SYT16: variants seen among roughly 807,000 people sequenced by gnomAD.
SYT16 encodes the protein synaptotagmin-16.
A neutral mutation model predicts 61.4 loss-of-function variants in SYT16; 42 were observed. That is an observed-to-expected ratio of 0.68 (90% confidence interval 0.53 to 0.89). SYT16 has a LOEUF of 0.89. Ranked by LOEUF, SYT16 falls within the 40% of genes least tolerant of loss-of-function variation. SYT16 has a pLI of 0.00. For synonymous variants in SYT16, 314 were observed against 302.3 expected (o/e 1.04, Z -0.40); for missense variants, 804 against 807.3 (o/e 1.00, Z 0.05).
At chr14:62,031,475 A>G (rs1313567192) in intron 3 of SYT16, among the ~76,000 whole-genome samples, 2 of 152,182 alleles carry the variant, frequency 1.3e-5, no homozygotes, top group East Asian at 3.8e-4. Flanking sequence ...AGGTAGTTGA[A>G]CTTTCGGGCA....
chr14:61,869,080 G>A (rs561891766), intron 1 of SYT16, among the ~76,000 whole-genome samples: 1 of 152,092 alleles, frequency 6.6e-6, no homozygotes, highest in South Asian at 2.1e-4. Context: ...TTTAACCTTA[G>A]TATAGCCACT....
At chr14:61,888,679 G>A (rs2048005803) in intron 1 of SYT16, among the ~76,000 whole-genome samples, 1 of 151,598 alleles carries the variant, frequency 6.6e-6, no homozygotes, top group Non-Finnish European at 1.5e-5. Flanking sequence ...TTACAAAAAT[G>A]TGACAGAGAC....
At chr14:61,855,944 A>T (rs953893926) in intron 1 of SYT16, among the ~76,000 whole-genome samples, 2 of 152,258 alleles carry the variant, frequency 1.3e-5, no homozygotes, top group Non-Finnish European at 2.9e-5. Context: ...TAAAATTAAC[A>T]TGTGAATTTT....
intron 1 of SYT16, among the ~76,000 whole-genome samples, chr14:61,817,419 CAAAA>C (rs58438991): frequency 6.1e-5 from 5 of 82,566 alleles, no homozygotes; most frequent in Non-Finnish European, 7.9e-5. Flanking sequence ...ACTCCATCTC[CAAAA>C]AAAAAAAAAA....
chr14:61,827,342 G>A (rs2045804442), intron 1 of SYT16, among the ~76,000 whole-genome samples: 1 of 152,152 alleles, frequency 6.6e-6, no homozygotes, highest in Non-Finnish European at 1.5e-5. Flanking sequence ...CCCTGTGTAG[G>A]TGCCTTGCAG....
At position 61,824,942 on chromosome 14, in the gene SYT16, T is replaced by C. The variant is rs551905942; in HGVS notation, c.-325+12132T>C. On this transcript the variant is annotated intron_variant, in intron 1 of 7. Transcript: ENST00000683842. ...TCGAACTTGTGCTTGTATATGCTTC[T>C]GTTTTAAAAATGTCTCATCTTTAAT... 3.7e-4 allele frequency among the ~76,000 whole-genome samples: 56 copies of C among 152,386 alleles called. 2 individuals are homozygous for C. Among genetic ancestry groups the C allele is most frequent in the Admixed American group, 1.2e-3 (19 of 15,310 alleles).
At chr14:61,933,427 T>C (rs2049854951) in intron 1 of SYT16, among the ~76,000 whole-genome samples, 1 of 152,242 alleles carries the variant, frequency 6.6e-6, no homozygotes, top group Non-Finnish European at 1.5e-5. Context: ...CTCTACCCTA[T>C]ACTCATCCCT....
intron 7 of SYT16, among the ~76,000 whole-genome samples, chr14:62,087,029 C>G (rs1338049040): frequency 1.3e-5 from 2 of 152,158 alleles, no homozygotes; most frequent in Non-Finnish European, 2.9e-5. Flanking sequence ...AAATGGACCT[C>G]TTGGGATTTT....
At chr14:62,066,797 A>G (rs560163430) in intron 3 of SYT16, among the ~76,000 whole-genome samples, 1 of 152,316 alleles carries the variant, frequency 6.6e-6, no homozygotes, top group Non-Finnish European at 1.5e-5. Context: ...TAGGGCCTGG[A>G]TGCAAAGGTG....
At chr14:62,039,163 G>A (rs1296763905) in intron 3 of SYT16, among the ~76,000 whole-genome samples, 2 of 152,078 alleles carry the variant, frequency 1.3e-5, no homozygotes, top group Non-Finnish European at 2.9e-5. Flanking sequence ...GTAAGGGGAA[G>A]TTTTGATCTA....
chr14:61,871,762 G>A lies in SYT16; in HGVS notation c.-325+58952G>A, dbSNP rs150215996. Among the ~76,000 whole-genome samples, 352 of 152,134 alleles carry A rather than the reference G, an allele frequency of 2.3e-3. 4 individuals carry two copies. Among genetic ancestry groups the A allele is most frequent in the African/African-American group, 8.0e-3 (330 of 41,480 alleles). On this transcript the variant is annotated intron_variant, in intron 1 of 7. Transcript: ENST00000683842. ...TTACAATAATTATAAAAACAATACC[G>A]CATTATAGACAATATATTAAATGAT...
At chr14:61,997,540 A>G (rs1485207601) in intron 3 of SYT16, among the ~76,000 whole-genome samples, 18 of 152,112 alleles carry the variant, frequency 1.2e-4, no homozygotes, top group Non-Finnish European at 2.2e-4. Context: ...ACACAATTTC[A>G]TATTCTTCTC....
At chr14:61,937,953 T>G (rs965745057) in intron 1 of SYT16, among the ~76,000 whole-genome samples, 1 of 150,956 alleles carries the variant, frequency 6.6e-6, no homozygotes, top group Non-Finnish European at 1.5e-5. Context: ...TTGAGGAGTT[T>G]ACAGTCCATT....
chr14:62,100,830 A>T lies in SYT16; in HGVS notation c.*123A>T, dbSNP rs2057403274. ...AACAGATTCCACTAACCCCTAGGAC[A>T]TTGTGAGTGGGAGTTTTGGGTTTCT... On this transcript the variant is annotated 3_prime_UTR_variant, in exon 8 of 8. Coordinates refer to ENST00000683842, the MANE Select transcript of SYT16 (RefSeq NM_001367656.1). 3 of 968,734 alleles carry T rather than the reference A, an allele frequency of 3.1e-6. No homozygotes were observed. The highest frequency in any genetic ancestry group is 4.5e-6 in the Non-Finnish European group (3 of 672,390). 60.0% of individuals were successfully genotyped at this position (968,734 alleles called of 1,614,324 possible).
At chr14:62,046,242 A>G (rs1595253780) in intron 3 of SYT16, among the ~76,000 whole-genome samples, 1 of 152,192 alleles carries the variant, frequency 6.6e-6, no homozygotes, top group Non-Finnish European at 1.5e-5. Flanking sequence ...TGGCTGTATA[A>G]ATGTCTTCTT....
intron 1 of SYT16, among the ~76,000 whole-genome samples, chr14:61,873,397 G>A (rs778044696): frequency 9.2e-5 from 14 of 152,056 alleles, no homozygotes; most frequent in Admixed American, 3.3e-4. Flanking sequence ...GGTTTGCCTC[G>A]CTTCTCCTTA....
intron 1 of SYT16, among the ~76,000 whole-genome samples, chr14:61,949,313 C>A (rs1317862054): frequency 6.6e-6 from 1 of 152,240 alleles, no homozygotes; most frequent in African/African-American, 2.4e-5. Context: ...TCCTAACTCA[C>A]AGCCAAGTAC....
intron 1 of SYT16, among the ~76,000 whole-genome samples, chr14:61,853,821 A>G (rs1293076945): frequency 1.3e-5 from 2 of 152,172 alleles, no homozygotes; most frequent in South Asian, 2.1e-4. Context: ...TGGGAGCACA[A>G]TTTATTATTG....
chr14:61,887,138 C>T (rs766728773), intron 1 of SYT16, among the ~76,000 whole-genome samples: 1 of 152,140 alleles, frequency 6.6e-6, no homozygotes, highest in Non-Finnish European at 1.5e-5. Context: ...ATGTAAATAA[C>T]GTTGATCTCC....
Sources: allele counts gnomAD v4.1 joint callset (sites outside exome capture counted in the v4.1 genomes callset), GRCh38; gene constraint gnomAD v4.1.1; transcripts MANE v1.5; gene names NCBI Gene and HGNC (gene_info 2026-07-23, HGNC 2026-07-21).